The following CHST11 variants were observed in gnomAD, a reference collection of about 807,000 sequenced individuals.
CHST11 encodes C4S-1.
Under a neutral mutation model 30.4 loss-of-function variants are expected in CHST11, and 9 were observed. The observed-to-expected ratio is 0.30, with a 90% CI of 0.18 to 0.52. The LOEUF is 0.52. CHST11 is among the 20% of genes least tolerant of loss of function. The pLI is 0.97. For synonymous variants in CHST11, 152 were observed against 187.8 expected, an observed-to-expected ratio of 0.81 and a Z score of 1.56; for missense variants, 348 against 460.6, an observed-to-expected ratio of 0.76 and a Z score of 2.24.
chr12:104,615,247 T>C (rs2039098461), intron 2 of CHST11, among the ~76,000 whole-genome samples: 1 of 152,204 alleles, frequency 6.6e-6, no homozygotes. Context: ...AGCCACAAAA[T>C]GGCAAATACA....
At chr12:104,748,595 G>C (rs780050665) in intron 2 of CHST11, among the ~76,000 whole-genome samples, 1 of 137,214 alleles carries the variant, frequency 7.3e-6, no homozygotes. Context: ...GAGTGGAGTC[G>C]GGGGAGAGAT....
chr12:104,467,293 T>G (rs1331909063), intron 1 of CHST11, among the ~76,000 whole-genome samples: 1 of 152,190 alleles, frequency 6.6e-6, no homozygotes, highest in African/African-American at 2.4e-5. Flanking sequence ...TTAAAATTTT[T>G]TTAGGTTAAC....
intron 1 of CHST11, among the ~76,000 whole-genome samples, chr12:104,573,051 G>A (rs1296674625): frequency 6.6e-6 from 1 of 152,198 alleles, no homozygotes; most frequent in Non-Finnish European, 1.5e-5. Flanking sequence ...AAAATCACAA[G>A]CATTCTTATA....
At chr12:104,724,904 G>A (rs1475816305) in intron 2 of CHST11, among the ~76,000 whole-genome samples, 1 of 152,098 alleles carries the variant, frequency 6.6e-6, no homozygotes, top group Admixed American at 6.5e-5. Context: ...AAAATGATCT[G>A]CAACTCCCAT....
At chr12:104,677,470 C>A (rs2039753310) in intron 2 of CHST11, among the ~76,000 whole-genome samples, 1 of 152,178 alleles carries the variant, frequency 6.6e-6, no homozygotes, top group Admixed American at 6.5e-5. Context: ...TCAAGGCAGT[C>A]TTTTGTGACA....
chr12:104,627,849 C>T (rs2039231917), intron 2 of CHST11, among the ~76,000 whole-genome samples: 1 of 152,138 alleles, frequency 6.6e-6, no homozygotes, highest in South Asian at 2.1e-4. Flanking sequence ...GTGGTGATAA[C>T]TAGCAGCAGC....
At chr12:104,693,097 A>G (rs971474988) in intron 2 of CHST11, among the ~76,000 whole-genome samples, 1 of 152,008 alleles carries the variant, frequency 6.6e-6, no homozygotes, top group Admixed American at 6.6e-5. Flanking sequence ...TTTCCTCCAT[A>G]CACACACATA....
Position 104,486,871 on chromosome 12 carries a change from T to C in CHST11, c.118+29342T>C, listed in dbSNP as rs553740255. The stretch of plus-strand genomic sequence containing the variant: ...ATGTTTAAAACGAAGGGGGGCATAC[T>C]AGCCTTCTACCCTTTGTTACACAAA... On this transcript the variant is annotated intron_variant, in intron 1 of 2. Transcript: ENST00000303694. Among the ~76,000 whole-genome samples, 7 of 152,324 alleles carry C rather than the reference T, an allele frequency of 4.6e-5. No homozygotes were observed. In the South Asian group the frequency reaches 6.2e-4, roughly 14 times the overall value.
At chr12:104,498,777 A>G (rs1455767777) in intron 1 of CHST11, among the ~76,000 whole-genome samples, 3 of 152,228 alleles carry the variant, frequency 2.0e-5, no homozygotes, top group Non-Finnish European at 4.4e-5. Context: ...GAACACTTGA[A>G]TTAGCCGTTG....
At chr12:104,601,833 C>G (rs1592788040) in intron 1 of CHST11, 73 bp from the exon 2 acceptor site, 1 of 1,234,220 alleles carries the variant, frequency 8.1e-7, no homozygotes, top group Admixed American at 1.8e-5. Context: ...CTTCCCTACT[C>G]TGTGCCTTTT....
At position 104,758,439 on chromosome 12, in the gene CHST11, C is replaced by A. The variant is rs193118540; in HGVS notation, c.*636C>A. 1 of 152,188 alleles carries A rather than the reference C, an allele frequency of 6.6e-6. No homozygotes were observed. Among genetic ancestry groups the A allele is most frequent in the Admixed American group, 6.5e-5 (1 of 15,290 alleles). The allele number at this position is 152,188 out of a possible 1,614,324, so 9.4% of individuals were successfully genotyped here. A position where few individuals can be genotyped will look rare whatever the true frequency, so the allele number is the denominator to read the frequency against. On this transcript the variant is annotated 3_prime_UTR_variant, in exon 3 of 3. Transcript: ENST00000303694. ...AACCCAAGGAGAAAGTTGGTTGTAA[C>A]AATTTTTCACCAGAATTAGCAATCT...
At chr12:104,468,732 C>T (rs984031226) in intron 1 of CHST11, among the ~76,000 whole-genome samples, 2 of 152,180 alleles carry the variant, frequency 1.3e-5, no homozygotes, top group Non-Finnish European at 2.9e-5. Context: ...TGGGCAAGTG[C>T]CTGGCAAGTG....
intron 1 of CHST11, among the ~76,000 whole-genome samples, chr12:104,481,269 T>G (rs1259524195): frequency 6.6e-6 from 1 of 152,180 alleles, no homozygotes; most frequent in Non-Finnish European, 1.5e-5. Flanking sequence ...CCACTCTGCC[T>G]TCTTTCAGTG....
intron 1 of CHST11, among the ~76,000 whole-genome samples, chr12:104,543,610 A>G (rs2038306163): frequency 6.6e-6 from 1 of 151,948 alleles, no homozygotes. Flanking sequence ...CCAGGAGTAT[A>G]AGTTGAGGGA....
At chr12:104,632,445 G>A (rs952505842) in intron 2 of CHST11, among the ~76,000 whole-genome samples, 1 of 152,180 alleles carries the variant, frequency 6.6e-6, no homozygotes, top group Non-Finnish European at 1.5e-5. Flanking sequence ...ACGGGGATGA[G>A]GCGAAGTGCT....
At chr12:104,554,350 CA>C (rs897584450) in intron 1 of CHST11, among the ~76,000 whole-genome samples, 1 of 152,104 alleles carries the variant, frequency 6.6e-6, no homozygotes, top group African/African-American at 2.4e-5. Context: ...GGCCAAGAGA[CA>C]GGGGGCACCA....
chr12:104,748,306 G>T (rs1007475639), intron 2 of CHST11, among the ~76,000 whole-genome samples: 1 of 152,178 alleles, frequency 6.6e-6, no homozygotes, highest in Admixed American at 6.5e-5. Flanking sequence ...TCAAAGTTTG[G>T]TTCCTAGTCC....
chr12:104,718,194 G>T (rs1036092626), intron 2 of CHST11, among the ~76,000 whole-genome samples: 4 of 152,144 alleles, frequency 2.6e-5, no homozygotes, highest in African/African-American at 9.7e-5. Context: ...AGTTTCAGTT[G>T]TCAGCCCCAT....
At chr12:104,555,696 A>AG (rs1204060099) in intron 1 of CHST11, among the ~76,000 whole-genome samples, 1 of 152,204 alleles carries the variant, frequency 6.6e-6, no homozygotes, top group Admixed American at 6.5e-5. Flanking sequence ...CATGCCTGGG[A>AG]GGCTGGGTTC....
Sources: allele counts gnomAD v4.1 joint callset (sites outside exome capture counted in the v4.1 genomes callset), GRCh38; gene constraint gnomAD v4.1.1; transcripts MANE v1.5; gene names NCBI Gene and HGNC (gene_info 2026-07-23, HGNC 2026-07-21).